KAZN: variants seen among roughly 807,000 people sequenced by gnomAD.
KAZN encodes kazrin.
KAZN carries 40 observed loss-of-function variants against 87.4 expected under a neutral mutation model. The observed-to-expected ratio is 0.46, with a 90% confidence interval of 0.36 to 0.60. The LOEUF (loss-of-function observed/expected upper bound fraction) is 0.60. Ranked by LOEUF, KAZN falls within the 20% of genes least tolerant of loss-of-function variation. The pLI is 0.00. For missense variants in KAZN, 898 were observed against 1,073.9 expected, an observed-to-expected ratio of 0.84 and a Z score of 2.29; for synonymous variants, 466 against 458.3, an observed-to-expected ratio of 1.02 and a Z score of -0.22.
chr1:14,104,256 C>T (rs1195172047), intron 1 of KAZN, among the ~76,000 whole-genome samples: 1 of 152,214 alleles, frequency 6.6e-6, no homozygotes, highest in Non-Finnish European at 1.5e-5. Flanking sequence ...CCGCAAGGAG[C>T]ACCTGGTCTC....
At chr1:14,416,876 G>T (rs572339204) in intron 2 of KAZN, among the ~76,000 whole-genome samples, 2 of 152,058 alleles carry the variant, frequency 1.3e-5, no homozygotes, top group South Asian at 4.2e-4. Context: ...GATCACTTGA[G>T]ATCAGGAGTT....
chr1:14,178,258 G>A (rs1646127132), intron 1 of KAZN, among the ~76,000 whole-genome samples: 1 of 152,156 alleles, frequency 6.6e-6, no homozygotes, highest in South Asian at 2.1e-4. Flanking sequence ...TCTCTCCGAT[G>A]TTTCTTCATG....
At chr1:14,156,871 C>T (rs889323936) in intron 1 of KAZN, among the ~76,000 whole-genome samples, 1 of 148,874 alleles carries the variant, frequency 6.7e-6, no homozygotes, top group East Asian at 1.9e-4. Context: ...TTACTCCTGC[C>T]ATTTAAAAAT....
rs528070001 is a variant in KAZN at position 14,736,254 on chromosome 1, GGTGTGTGT to G, written c.226+137070_226+137077del. ...TGTTGGGGCTCATGTGGGACTCAAGGGTGTGTGTGTGTGTGTGTGTGTGTGTGTGTGTG... is the reference window on the plus strand; with the variant it reads ...TGTTGGGGCTCATGTGGGACTCAAGGGTGTGTGTGTGTGTGTGTGTGTGTG... On this transcript the variant is annotated intron_variant, in intron 1 of 14. Transcript: ENST00000376030. Among the ~76,000 whole-genome samples the G allele has an allele frequency of 7.7e-3, 890 of 115,300 alleles. 13 individuals are homozygous for G. The highest frequency in any genetic ancestry group is 0.026 in the African/African-American group (812 of 31,146). 75.6% of individuals were successfully genotyped at this position (115,300 alleles called of 152,430 possible).
At chr1:14,806,257 A>G (rs1646218228) in intron 1 of KAZN, among the ~76,000 whole-genome samples, 1 of 102,506 alleles carries the variant, frequency 9.8e-6, no homozygotes, top group African/African-American at 4.6e-5. Flanking sequence ...CAGCTCGTTA[A>G]TGGTTCCATC....
At chr1:14,023,101 G>T (rs917132575) in intron 1 of KAZN, among the ~76,000 whole-genome samples, 1 of 152,044 alleles carries the variant, frequency 6.6e-6, no homozygotes, top group Non-Finnish European at 1.5e-5. Flanking sequence ...GACTGCTTGA[G>T]CCCAGGAGTT....
At chr1:13,981,403 C>A (rs980428468) in intron 1 of KAZN, among the ~76,000 whole-genome samples, 1 of 150,670 alleles carries the variant, frequency 6.6e-6, no homozygotes, top group African/African-American at 2.4e-5. Context: ...AGTGAGCTGG[C>A]CTTAGAAGTT....
chr1:14,015,300 G>A (rs140555208), intron 1 of KAZN, among the ~76,000 whole-genome samples: 101 of 151,932 alleles, frequency 6.6e-4, no homozygotes, highest in African/African-American at 2.2e-3. Context: ...CAAAAATGCC[G>A]TTCAGATGAT....
At chr1:14,588,218 C>T (rs1470161311) in intron 2 of KAZN, among the ~76,000 whole-genome samples, 1 of 152,174 alleles carries the variant, frequency 6.6e-6, no homozygotes, top group Admixed American at 6.5e-5. Flanking sequence ...CCCCTTCCCA[C>T]AGCACTTTCA....
chr1:14,190,174 G>C (rs1005673825), intron 2 of KAZN, among the ~76,000 whole-genome samples: 6 of 152,134 alleles, frequency 3.9e-5, no homozygotes, highest in African/African-American at 1.4e-4. Flanking sequence ...TACAACAGGT[G>C]CATGGTTAAT....
intron 1 of KAZN, among the ~76,000 whole-genome samples, chr1:14,126,353 T>TCCA (rs1409719808): frequency 0.013 from 444 of 34,098 alleles, 1 homozygote; most frequent in African/African-American, 0.023. Flanking sequence ...AGCTCTCCCC[T>TCCA]CCCCCCCCCC....
chr1:14,942,456 C>T lies in KAZN; in HGVS notation c.227-18228C>T, dbSNP rs534394302. Among the ~76,000 whole-genome samples, 15 of 152,300 alleles carry T rather than the reference C, an allele frequency of 9.8e-5. No homozygotes were observed. In the South Asian group the frequency reaches 2.3e-3, roughly 23 times the overall value. ...GTAGATGAAAGAAACGCTTCCGACCCGCTCCAAACGTTAACACGCAGTGTT... is the reference window on the plus strand; with the variant it reads ...GTAGATGAAAGAAACGCTTCCGACCTGCTCCAAACGTTAACACGCAGTGTT... On this transcript the variant is annotated intron_variant, in intron 1 of 14. Coordinates refer to ENST00000376030, the MANE Select transcript of KAZN (RefSeq NM_201628.3).
chr1:14,579,835 G>A (rs571940648), intron 2 of KAZN, among the ~76,000 whole-genome samples: 4 of 152,218 alleles, frequency 2.6e-5, no homozygotes, highest in Non-Finnish European at 5.9e-5. Context: ...CTGTGAAAAG[G>A]CTCTTCTCTA....
At chr1:14,030,039 G>A (rs1394479172) in intron 1 of KAZN, among the ~76,000 whole-genome samples, 1 of 151,960 alleles carries the variant, frequency 6.6e-6, no homozygotes, top group East Asian at 1.9e-4. Flanking sequence ...TATGGGGATG[G>A]CATTGAATCT....
intron 1 of KAZN, among the ~76,000 whole-genome samples, chr1:13,971,200 C>T (rs1642123693): frequency 6.6e-6 from 1 of 152,184 alleles, no homozygotes; most frequent in South Asian, 2.1e-4. Context: ...TGGATGTGTT[C>T]TTATGGCCTT....
intron 2 of KAZN, among the ~76,000 whole-genome samples, chr1:14,457,167 G>A (rs1667610915): frequency 6.6e-6 from 1 of 152,332 alleles, no homozygotes; most frequent in Admixed American, 6.5e-5. Flanking sequence ...AGTGGTTCAT[G>A]AGGCTTCACG....
chr1:14,208,744 G>A (rs1218609213), intron 2 of KAZN, among the ~76,000 whole-genome samples: 1 of 152,202 alleles, frequency 6.6e-6, no homozygotes, highest in Non-Finnish European at 1.5e-5. Flanking sequence ...ATAAAGGGTA[G>A]TCTCAGCCAG....
intron 1 of KAZN, among the ~76,000 whole-genome samples, chr1:14,110,318 C>T (rs990913651): frequency 1.3e-5 from 2 of 152,170 alleles, no homozygotes; most frequent in African/African-American, 4.8e-5. Flanking sequence ...AGGCCAAATC[C>T]CTCATTACAT....
intron 2 of KAZN, among the ~76,000 whole-genome samples, chr1:15,008,086 A>C (rs1669215849): frequency 6.6e-6 from 1 of 152,154 alleles, no homozygotes; most frequent in Admixed American, 6.5e-5. Context: ...AGGCTCCTGG[A>C]GGCCTTGTTT....
Sources: allele counts gnomAD v4.1 joint callset (sites outside exome capture counted in the v4.1 genomes callset), GRCh38; gene constraint gnomAD v4.1.1; transcripts MANE v1.5; gene names NCBI Gene and HGNC (gene_info 2026-07-23, HGNC 2026-07-21).